The following NCK2 variants were observed in gnomAD, a reference collection of about 807,000 sequenced individuals.
NCK2 encodes cytoplasmic protein NCK2.
NCK2 carries 16 observed loss-of-function variants against 33.9 expected under a neutral mutation model. That is an observed-to-expected ratio of 0.47 (90% CI 0.32 to 0.72). NCK2 has a LOEUF of 0.72. Ranked by LOEUF, NCK2 falls within the 30% of genes least tolerant of loss-of-function variation. NCK2 has a pLI of 0.03. For missense variants in NCK2, 418 were observed against 537.3 expected (o/e 0.78, Z 2.19); for synonymous variants, 273 against 239.9 (o/e 1.14, Z -1.27).
At chr2:105,810,012 C>A (rs1425955457) in intron 1 of NCK2, among the ~76,000 whole-genome samples, 1 of 152,024 alleles carries the variant, frequency 6.6e-6, no homozygotes, top group Non-Finnish European at 1.5e-5. Context: ...AGAGTGGGTG[C>A]TGAGGTCTCA....
chr2:105,751,058 T>C (rs1294070372), intron 1 of NCK2, among the ~76,000 whole-genome samples: 2 of 152,232 alleles, frequency 1.3e-5, no homozygotes, highest in African/African-American at 4.8e-5. Context: ...CCTGCATGAC[T>C]GACCTCCCTC....
At chr2:105,815,195 C>T (rs1675437171) in intron 1 of NCK2, among the ~76,000 whole-genome samples, 1 of 152,216 alleles carries the variant, frequency 6.6e-6, no homozygotes, top group Non-Finnish European at 1.5e-5. Flanking sequence ...TTGGCCATCA[C>T]CTTTTCCTTG....
At chr2:105,773,380 C>T (rs1199805471) in intron 1 of NCK2, among the ~76,000 whole-genome samples, 1 of 152,092 alleles carries the variant, frequency 6.6e-6, no homozygotes, top group Non-Finnish European at 1.5e-5. Flanking sequence ...TGCCGGCCTC[C>T]ATCAGTCCAT....
At chr2:105,788,984 G>C (rs1690777891) in intron 1 of NCK2, among the ~76,000 whole-genome samples, 1 of 152,062 alleles carries the variant, frequency 6.6e-6, no homozygotes, top group Non-Finnish European at 1.5e-5. Flanking sequence ...TTTAAAACAT[G>C]GTATGACTGT....
intron 1 of NCK2, among the ~76,000 whole-genome samples, chr2:105,762,030 A>G (rs1419773868): frequency 2.0e-5 from 3 of 152,192 alleles, no homozygotes; most frequent in African/African-American, 7.2e-5. Flanking sequence ...TGCGTTGACT[A>G]CAGTTGCAAG....
intron 1 of NCK2, chr2:105,745,924 GCA>G (rs912813958): frequency 6.6e-6 from 1 of 152,320 alleles, no homozygotes. Context: ...TGCCTTATGA[GCA>G]CAGTTAGCTT....
chr2:105,887,776 G>A (rs1558888901), intron 4 of NCK2, among the ~76,000 whole-genome samples: 1 of 152,152 alleles, frequency 6.6e-6, no homozygotes, highest in Non-Finnish European at 1.5e-5. Flanking sequence ...ATCTGATCAG[G>A]ACATCTGTTT....
At chr2:105,792,744 C>T (rs1264600677) in intron 1 of NCK2, among the ~76,000 whole-genome samples, 1 of 152,172 alleles carries the variant, frequency 6.6e-6, no homozygotes, top group Non-Finnish European at 1.5e-5. Flanking sequence ...CAGAGCCAGT[C>T]TGGTGCGATT....
At chr2:105,870,276 G>A (rs1471289807) in intron 3 of NCK2, among the ~76,000 whole-genome samples, 1 of 152,238 alleles carries the variant, frequency 6.6e-6, no homozygotes, top group Non-Finnish European at 1.5e-5. Context: ...GGAGGCAGGG[G>A]GCCAGCAGCC....
intron 2 of NCK2, 25 bp from the exon 3 acceptor site, chr2:105,855,023 G>A: frequency 1.3e-6 from 2 of 1,560,146 alleles, no homozygotes; most frequent in Non-Finnish European, 1.8e-6. Context: ...TCTCTAATGA[G>A]CATCTCCAAA....
intron 1 of NCK2, among the ~76,000 whole-genome samples, chr2:105,754,178 T>C (rs900368594): frequency 6.6e-6 from 1 of 152,172 alleles, no homozygotes; most frequent in Admixed American, 6.5e-5. Flanking sequence ...AGGTTTAGAT[T>C]TGCAGTCACA....
chr2:105,887,725 A>G (rs1355180974), intron 4 of NCK2, among the ~76,000 whole-genome samples: 1 of 152,192 alleles, frequency 6.6e-6, no homozygotes, highest in Non-Finnish European at 1.5e-5. Context: ...TTTTCCTTCT[A>G]TGAGAAAACA....
At chr2:105,860,623 CA>C in intron 3 of NCK2, among the ~76,000 whole-genome samples, 1 of 152,156 alleles carries the variant, frequency 6.6e-6, no homozygotes, top group South Asian at 2.1e-4. Context: ...TGGGTGATCA[CA>C]AACAGTTGAA....
At chr2:105,799,677 C>T (rs1188405691) in intron 1 of NCK2, among the ~76,000 whole-genome samples, 1 of 152,158 alleles carries the variant, frequency 6.6e-6, no homozygotes, top group Non-Finnish European at 1.5e-5. Context: ...AAGCTAATTA[C>T]CATGTTTACA....
At chr2:105,789,487 C>T (rs1240488960) in intron 1 of NCK2, among the ~76,000 whole-genome samples, 2 of 152,194 alleles carry the variant, frequency 1.3e-5, no homozygotes, top group African/African-American at 4.8e-5. Context: ...CCTTGCCTGG[C>T]CTCACAACCT....
chr2:105,781,052 C>A (rs565988305), intron 1 of NCK2, among the ~76,000 whole-genome samples: 46 of 152,312 alleles, frequency 3.0e-4, no homozygotes, highest in Middle Eastern at 3.4e-3. Context: ...GTCTTCCTGT[C>A]TTCTTGCTTT....
At chr2:105,837,464 T>C (rs183072161) in intron 2 of NCK2, among the ~76,000 whole-genome samples, 34 of 152,318 alleles carry the variant, frequency 2.2e-4, no homozygotes, top group Admixed American at 1.0e-3. Context: ...GTTTTCACTT[T>C]CTTGGTATGA....
intron 3 of NCK2, among the ~76,000 whole-genome samples, chr2:105,868,853 C>T (rs183202083): frequency 6.6e-6 from 1 of 152,300 alleles, no homozygotes; most frequent in East Asian, 1.9e-4. Flanking sequence ...AGTCGAGGCC[C>T]GGGGCAGCCA....
At chr2:105,765,514 C>T (rs1007236071) in intron 1 of NCK2, among the ~76,000 whole-genome samples, 1 of 152,140 alleles carries the variant, frequency 6.6e-6, no homozygotes, top group African/African-American at 2.4e-5. Flanking sequence ...GGAACATTCT[C>T]AGCCATGGTA....
Sources: gnomAD v4.1 joint callset for allele counts (sites outside exome capture counted in the v4.1 genomes callset) on GRCh38, gnomAD v4.1.1 for gene constraint, MANE v1.5 for transcripts, NCBI Gene and HGNC (gene_info 2026-07-23, HGNC 2026-07-21) for gene names.